Variants in UNC5D observed in about 807,000 individuals in gnomAD.
The protein encoded by UNC5D is unc-5 netrin receptor D.
In UNC5D, 39 loss-of-function variants were observed where a neutral mutation model predicts 105.4. The ratio of observed to expected loss-of-function variants is 0.37; its 90% CI spans 0.29 to 0.48. The LOEUF is 0.48. UNC5D is among the 20% of genes least tolerant of loss of function. The pLI, the probability that UNC5D is intolerant of heterozygous loss-of-function variation, is 0.98. For missense variants in UNC5D, 991 were observed against 1,202.4 expected, an observed-to-expected ratio of 0.82 and a Z score of 2.60; for synonymous variants, 452 against 450.4, an observed-to-expected ratio of 1.00 and a Z score of -0.04.
intron 1 of UNC5D, among the ~76,000 whole-genome samples, chr8:35,509,360 A>C (rs965276312): frequency 1.3e-4 from 20 of 151,080 alleles, no homozygotes; most frequent in Non-Finnish European, 2.4e-4. Flanking sequence ...ATGTAGGGGT[A>C]CATGCCAGGA....
At chr8:35,513,705 ATTTTGTCTCCTTT>A (rs1045405261) in intron 1 of UNC5D, among the ~76,000 whole-genome samples, 1 of 152,120 alleles carries the variant, frequency 6.6e-6, no homozygotes, top group African/African-American at 2.4e-5. Context: ...AGGGGCAAGG[ATTTTGTCTCCTTT>A]TTTTGCTGAA....
chr8:35,538,868 T>C (rs74360337), intron 1 of UNC5D, among the ~76,000 whole-genome samples: 3,972 of 152,036 alleles, frequency 0.026, 192 homozygotes, highest in African/African-American at 0.092. Context: ...AGCATAAAAG[T>C]TTGAGGGGTC....
At chr8:35,772,803 T>C (rs74369371) in intron 15 of UNC5D, among the ~76,000 whole-genome samples, 1 of 1,194 alleles carries the variant, frequency 8.4e-4, no homozygotes, top group Admixed American at 8.8e-3. Flanking sequence ...TCAGAGTCCT[T>C]TTTTTTTTTT....
intron 4 of UNC5D, among the ~76,000 whole-genome samples, chr8:35,614,717 C>T (rs544225968): frequency 6.6e-6 from 1 of 152,028 alleles, no homozygotes; most frequent in East Asian, 1.9e-4. Context: ...TGTCTACAGC[C>T]CAAATACCCT....
intron 1 of UNC5D, among the ~76,000 whole-genome samples, chr8:35,529,396 C>G (rs1183508397): frequency 2.0e-5 from 3 of 147,290 alleles, no homozygotes; most frequent in Non-Finnish European, 3.0e-5. Flanking sequence ...CTGTTCTGTT[C>G]CATTGATCTA....
intron 1 of UNC5D, among the ~76,000 whole-genome samples, chr8:35,325,625 G>C (rs1443208035): frequency 6.6e-6 from 1 of 152,142 alleles, no homozygotes; most frequent in African/African-American, 2.4e-5. Context: ...CACATACAAT[G>C]CGTTCTATTC....
intron 1 of UNC5D, among the ~76,000 whole-genome samples, chr8:35,415,343 C>T (rs984917556): frequency 6.6e-6 from 1 of 152,056 alleles, no homozygotes; most frequent in Admixed American, 6.6e-5. Context: ...AATTTCCAGA[C>T]CCCCTTTGAC....
In UNC5D at chr8:35,710,934, C is replaced by CTTTTTTTTTTTTTTTTTTTTTTTTTT. The variant is rs775014566; in HGVS notation, c.1117+4995_1117+4996insTTTTTTTTTTTTTTTTTTTTTTTTTT. Among the ~76,000 whole-genome samples, 6 of 114,376 alleles carry CTTTTTTTTTTTTTTTTTTTTTTTTTT rather than the reference C, an allele frequency of 5.2e-5. 1 individual carries two copies. The highest frequency in any genetic ancestry group is 2.4e-4 in the African/African-American group (6 of 25,038). The allele number at this position is 114,376 out of a possible 152,430, so 75.0% of individuals were successfully genotyped here. A position where few individuals can be genotyped will look rare whatever the true frequency, so the allele number is the denominator to read the frequency against. On this transcript the variant is annotated intron_variant, in intron 8 of 16. Coordinates refer to ENST00000404895, the MANE Select transcript of UNC5D (RefSeq NM_080872.4). ...GCCTCTTCAGTAGCTCAGCATTATT[C>CTTTTTTTTTTTTTTTTTTTTTTTTTT]TTTTTTTTTTTTTTTTTTTTTTGAG...
intron 1 of UNC5D, among the ~76,000 whole-genome samples, chr8:35,529,956 G>A (rs976230056): frequency 1.3e-5 from 2 of 151,156 alleles, no homozygotes; most frequent in Non-Finnish European, 3.0e-5. Flanking sequence ...CTGAGACAAT[G>A]GGGTTTTCTA....
intron 1 of UNC5D, among the ~76,000 whole-genome samples, chr8:35,303,619 G>A (rs1808125357): frequency 6.6e-6 from 1 of 152,136 alleles, no homozygotes; most frequent in Non-Finnish European, 1.5e-5. Context: ...AGTAATGAGA[G>A]TTTACTTAGT....
At chr8:35,728,456 C>T (rs1200488945) in intron 10 of UNC5D, among the ~76,000 whole-genome samples, 2 of 152,180 alleles carry the variant, frequency 1.3e-5, no homozygotes, top group Non-Finnish European at 2.9e-5. Context: ...GTTCTGACAG[C>T]ATTGTCAGTG....
intron 1 of UNC5D, chr8:35,525,456 T>A: frequency 6.2e-7 from 1 of 1,612,256 alleles, no homozygotes; most frequent in Admixed American, 1.7e-5. Context: ...ACTGATTGCA[T>A]AGGCCTGGCT....
chr8:35,288,784 C>T (rs1444585748), intron 1 of UNC5D, among the ~76,000 whole-genome samples: 1 of 152,088 alleles, frequency 6.6e-6, no homozygotes, highest in Admixed American at 6.5e-5. Context: ...CTTAAAGTAG[C>T]CTTTCATAAG....
intron 1 of UNC5D, among the ~76,000 whole-genome samples, chr8:35,489,500 A>G (rs976755494): frequency 6.6e-6 from 1 of 152,190 alleles, no homozygotes; most frequent in African/African-American, 2.4e-5. Flanking sequence ...TCCTTATACG[A>G]ATAGAAATTT....
chr8:35,535,544 C>A (rs1405132972), intron 1 of UNC5D, among the ~76,000 whole-genome samples: 1 of 151,562 alleles, frequency 6.6e-6, no homozygotes, highest in South Asian at 2.1e-4. Context: ...ACCAAACACA[C>A]TACGGCAAAG....
At chr8:35,452,327 C>A (rs544745151) in intron 1 of UNC5D, among the ~76,000 whole-genome samples, 82 of 152,172 alleles carry the variant, frequency 5.4e-4, no homozygotes, top group African/African-American at 2.0e-3. Context: ...TGCAGTGGCA[C>A]AATCTCAGCT....
chr8:35,380,609 TG>T (rs1293305148), intron 1 of UNC5D, among the ~76,000 whole-genome samples: 2 of 152,174 alleles, frequency 1.3e-5, no homozygotes, highest in Non-Finnish European at 2.9e-5. Flanking sequence ...TATAATTTCA[TG>T]CTGTTAGGAT....
Position 35,759,224 on chromosome 8 carries a change from G to A in UNC5D, c.2164-96G>A, listed in dbSNP as rs1830647526. 1.3e-5 allele frequency: 17 copies of A among 1,322,262 alleles called. No individual in the cohort carries two copies. In the South Asian group the frequency reaches 2.2e-4, roughly 17 times the overall value. 81.9% of individuals were successfully genotyped at this position (1,322,262 alleles called of 1,614,324 possible). ...CTATGCTCTCTGTCCATTTGTGGAA[G>A]ACACATGGTAGTGAGCATGTGTATC... On this transcript the variant is annotated intron_variant, in intron 13 of 16. Transcript: ENST00000404895.
chr8:35,243,351 C>A (rs1398954741), intron 1 of UNC5D, among the ~76,000 whole-genome samples: 1 of 152,134 alleles, frequency 6.6e-6, no homozygotes, highest in Non-Finnish European at 1.5e-5. Context: ...CAATATAAAG[C>A]ATTTATAAAG....
Sources: allele counts gnomAD v4.1 joint callset (sites outside exome capture counted in the v4.1 genomes callset), GRCh38; gene constraint gnomAD v4.1.1; transcripts MANE v1.5; gene names NCBI Gene and HGNC (gene_info 2026-07-23, HGNC 2026-07-21).